H2BC3: variants seen among roughly 807,000 people sequenced by gnomAD.
The protein encoded by H2BC3 is histone H2B type 1-B.
In H2BC3, 8 loss-of-function variants were observed where a neutral mutation model predicts 6.0. That is an observed-to-expected ratio of 1.33 (90% CI 0.78 to 2.40). The LOEUF (loss-of-function observed/expected upper bound fraction) is 2.40, where lower values mean the gene tolerates loss of function less well. H2BC3 is among the 30% of genes most tolerant of loss of function. H2BC3 has a pLI of 0.00. For synonymous variants in H2BC3, 122 were observed against 66.2 expected, an observed-to-expected ratio of 1.84 and a Z score of -4.09; for missense variants, 222 against 163.2, an observed-to-expected ratio of 1.36 and a Z score of -1.96.
At position 26,043,245 on chromosome 6, in the gene H2BC3, G is replaced by A. The variant is rs745923302; in HGVS notation, c.*32C>T. 2.6e-6 allele frequency: 4 copies of A among 1,539,732 alleles called. No individual in the cohort carries two copies. Among genetic ancestry groups the A allele is most frequent in the African/African-American group, 2.8e-5 (2 of 72,172 alleles). ...GACAAAGTAGGTGGCTCTGAAAAGA[G>A]CCTTTGGGTTTGGAAGTGCTTACAT... is the stretch of plus-strand genomic sequence containing the variant. On this transcript the variant is annotated 3_prime_UTR_variant, in exon 1 of 1. Coordinates refer to ENST00000615966, the MANE Select transcript of H2BC3 (RefSeq NM_021062.3).
In H2BC3 at chr6:26,043,565, C is replaced by G. The variant is rs1279423547; in HGVS notation, c.93G>C (p.Lys31Asn). ...TAGAATAGCTCTCCTTGCGGCTGCG[C>G]TTACGCTTCTTACCATCCTTCTTCT... ...KAQKKDGKKR[K>N]RSRKESYSIY... Residue 31 changes from lysine to asparagine, a missense_variant, in exon 1 of 1, where the codon AAG (lysine) becomes AAC (asparagine). Transcript: ENST00000615966. 11 of 1,614,244 alleles carry G rather than the reference C, an allele frequency of 6.8e-6. No homozygotes were observed. The highest frequency in any genetic ancestry group is 9.3e-6 in the Non-Finnish European group (11 of 1,180,050).
In H2BC3 at chr6:26,043,420, G is replaced by A. The variant is rs1052949437; in HGVS notation, c.238C>T (p.Arg80Cys). The change falls in exon 1 of 1, where the codon CGC becomes TGC. Residue 80 changes from arginine to cysteine, a missense_variant. By Grantham distance (180) the Arg-to-Cys change is radical. Coordinates refer to ENST00000615966, the MANE Select transcript of H2BC3 (RefSeq NM_021062.3). ...IFERIAGEAS[R>C]LAHYNKRSTI... ...GAGCGCTTATTGTAGTGAGCCAGGC[G>A]AGAAGCCTCGCCCGCGATGCGCTCG... The A allele has an allele frequency of 5.6e-6, 9 of 1,614,074 alleles. No individual in the cohort carries two copies. Among genetic ancestry groups the A allele is most frequent in the East Asian group, 2.2e-5 (1 of 44,860 alleles).
rs549642579 is a variant in H2BC3, at chr6:26,043,701, TAC to T, written c.-46_-45del. 120 of 1,513,208 alleles carry T rather than the reference TAC, an allele frequency of 7.9e-5. No individual in the cohort carries two copies. In the African/African-American group the frequency reaches 9.5e-4, roughly 12 times the overall value. The allele number at this position is 1,513,208 out of a possible 1,614,324, so 93.7% of individuals were successfully genotyped here. On this transcript the variant is annotated 5_prime_UTR_variant, in exon 1 of 1. Coordinates refer to ENST00000615966, the MANE Select transcript of H2BC3 (RefSeq NM_021062.3). Reference sequence around the variant, plus strand: ...TAGAAAAGCTACTAACACTCTCCACTACAGAGTAGTACAGAGAACAGTTCAGA... The same window carrying T: ...TAGAAAAGCTACTAACACTCTCCACTAGAGTAGTACAGAGAACAGTTCAGA...
Position 26,043,652 on chromosome 6 carries a change from A to G in H2BC3, c.6T>C (p.Pro2=), listed in dbSNP as rs1761675775. 3.8e-6 allele frequency: 6 copies of G among 1,591,670 alleles called. No homozygotes were observed. Among genetic ancestry groups the G allele is most frequent in the Non-Finnish European group, 5.1e-6 (6 of 1,170,436 alleles). The change falls in exon 1 of 1, where the codon CCT becomes CCC. Residue 2 remains proline, a synonymous_variant. Coordinates refer to ENST00000615966, the MANE Select transcript of H2BC3 (RefSeq NM_021062.3). M[P]EPSKSAPAPK... ...GGGCTGGAGCAGACTTAGAGGGTTC[A>G]GGCATTGCTATTCCTAAACAGAATA...
chr6:26,043,433 C>T lies in H2BC3; in HGVS notation c.225G>A (p.Ala75=), dbSNP rs1761664435. The stretch of plus-strand genomic sequence containing the variant: ...AGTGAGCCAGGCGAGAAGCCTCGCC[C>T]GCGATGCGCTCGAAGATGTCGTTGA... ...SFVNDIFERI[A]GEASRLAHYN... Residue 75 remains alanine (A), a synonymous_variant, in exon 1 of 1, where the codon GCG becomes GCA. Coordinates refer to ENST00000615966, the MANE Select transcript of H2BC3 (RefSeq NM_021062.3). 3 of 1,614,174 alleles carry T rather than the reference C, an allele frequency of 1.9e-6. No individual in the cohort carries two copies. The highest frequency in any genetic ancestry group is 4.5e-5 in the East Asian group (2 of 44,844).
rs774770463 is a variant in H2BC3 at position 26,043,498 on chromosome 6, C to A, written c.160G>T (p.Gly54Cys). 5.0e-6 allele frequency: 8 copies of A among 1,614,068 alleles called. No individual in the cohort carries two copies. The highest frequency in any genetic ancestry group is 6.8e-6 in the Non-Finnish European group (8 of 1,180,038). Reference sequence around the variant, plus strand: ...ATCCCCATGGCCTTGGATGAGATGCCGGTGTCGGGGTGGACCTGCTTCAGA... The same window carrying A: ...ATCCCCATGGCCTTGGATGAGATGCAGGTGTCGGGGTGGACCTGCTTCAGA... ...KVLKQVHPDT[G>C]ISSKAMGIMN... Residue 54 changes from glycine to cysteine, a missense_variant, in exon 1 of 1, where the codon GGC (glycine) becomes TGC (cysteine). Transcript: ENST00000615966.
At position 26,043,430 on chromosome 6, in the gene H2BC3, G is replaced by A. The variant is rs372065604; in HGVS notation, c.228C>T (p.Gly76=). The change falls in exon 1 of 1, where the codon GGC becomes GGT. Residue 76 remains glycine, a synonymous_variant. Coordinates refer to ENST00000615966, the MANE Select transcript of H2BC3 (RefSeq NM_021062.3). The part of the protein sequence containing the change: ...FVNDIFERIA[G]EASRLAHYNK... ...TGTAGTGAGCCAGGCGAGAAGCCTCGCCCGCGATGCGCTCGAAGATGTCGT... is the reference window on the plus strand; with the variant it reads ...TGTAGTGAGCCAGGCGAGAAGCCTCACCCGCGATGCGCTCGAAGATGTCGT... The A allele has an allele frequency of 6.6e-5, 107 of 1,614,036 alleles. No individual in the cohort carries two copies. The highest frequency in any genetic ancestry group is 8.4e-5 in the Non-Finnish European group (99 of 1,180,040).
chr6:26,043,335 G>A lies in H2BC3; in HGVS notation c.323C>T (p.Ala108Val), dbSNP rs1283979017. Reference protein sequence around the residue: ...AVRLLLPGELAKHAVSEGTKA... With the variant: ...AVRLLLPGELVKHAVSEGTKA... Reference sequence around the variant, plus strand: ...AGTGCCCTCGGACACAGCATGCTTAGCCAGCTCCCCAGGCAGCAGCAGGCG... The same window carrying A: ...AGTGCCCTCGGACACAGCATGCTTAACCAGCTCCCCAGGCAGCAGCAGGCG... Residue 108 changes from alanine to valine, a missense_variant, in exon 1 of 1, where the codon GCT becomes GTT. Transcript: ENST00000615966. 1 of 1,613,990 alleles carries A rather than the reference G, an allele frequency of 6.2e-7. No homozygotes were observed. The highest frequency in any genetic ancestry group is 1.7e-5 in the Admixed American group (1 of 60,016).
rs559306718 is a variant in H2BC3, at chr6:26,043,310, A to C, written c.348T>G (p.Thr116=). ...ELAKHAVSEG[T]KAVTKYTSSK is the part of the protein sequence containing the mutation. The stretch of plus-strand genomic sequence containing the variant: ...AGCTAGTGTACTTGGTAACTGCCTT[A>C]GTGCCCTCGGACACAGCATGCTTAG... Residue 116 remains threonine, a synonymous_variant, in exon 1 of 1, where the codon ACT becomes ACG. Coordinates refer to ENST00000615966, the MANE Select transcript of H2BC3 (RefSeq NM_021062.3). The C allele has an allele frequency of 1.2e-6, 2 of 1,612,588 alleles. No homozygotes were observed. Among genetic ancestry groups the C allele is most frequent in the South Asian group, 2.2e-5 (2 of 90,982 alleles).
At position 26,043,560 on chromosome 6, in the gene H2BC3, C is replaced by A. The variant is rs748989913; in HGVS notation, c.98G>T (p.Ser33Ile). 2.5e-6 allele frequency: 4 copies of A among 1,614,246 alleles called. No individual in the cohort carries two copies. Among genetic ancestry groups the A allele is most frequent in the Non-Finnish European group, 2.5e-6 (3 of 1,180,038 alleles). Residue 33 changes from serine (S) to isoleucine (I), a missense_variant, in exon 1 of 1, where the codon AGC (serine) becomes ATC (isoleucine). Physicochemically the swap from Ser to Ile is moderately radical, Grantham distance 142. Coordinates refer to ENST00000615966, the MANE Select transcript of H2BC3 (RefSeq NM_021062.3). ...QKKDGKKRKRSRKESYSIYVY... is the reference protein window; with the variant it reads ...QKKDGKKRKRIRKESYSIYVY... ...ATAGATAGAATAGCTCTCCTTGCGG[C>A]TGCGCTTACGCTTCTTACCATCCTT...
Position 26,043,663 on chromosome 6 carries a change from T to C in H2BC3, c.-6A>G, listed in dbSNP as rs186144617. 10 of 1,577,308 alleles carry C rather than the reference T, an allele frequency of 6.3e-6. No individual in the cohort carries two copies. Among genetic ancestry groups the C allele is most frequent in the Non-Finnish European group, 8.6e-6 (10 of 1,164,440 alleles). On this transcript the variant is annotated 5_prime_UTR_variant, in exon 1 of 1. Coordinates refer to ENST00000615966, the MANE Select transcript of H2BC3 (RefSeq NM_021062.3). Reference sequence around the variant, plus strand: ...GACTTAGAGGGTTCAGGCATTGCTATTCCTAAACAGAATAGAAAAGCTACT... The same window carrying C: ...GACTTAGAGGGTTCAGGCATTGCTACTCCTAAACAGAATAGAAAAGCTACT...
In H2BC3 at chr6:26,043,680, A is replaced by G; in HGVS notation, c.-23T>C. ...CATTGCTATTCCTAAACAGAATAGA[A>G]AAGCTACTAACACTCTCCACTACAG... On this transcript the variant is annotated 5_prime_UTR_variant, in exon 1 of 1. Transcript: ENST00000615966. The G allele has an allele frequency of 1.3e-6, 2 of 1,559,362 alleles. No individual in the cohort carries two copies. Among genetic ancestry groups the G allele is most frequent in the Non-Finnish European group, 1.7e-6 (2 of 1,156,776 alleles).
rs1281968074 is a variant in H2BC3, at chr6:26,043,525, C to T, written c.133G>A (p.Val45Ile). 1.2e-6 allele frequency: 2 copies of T among 1,614,072 alleles called. No homozygotes were observed. The highest frequency in any genetic ancestry group is 1.7e-5 in the Admixed American group (1 of 59,998). ...KESYSIYVYK[V>I]LKQVHPDTGI... ...GTGTCGGGGTGGACCTGCTTCAGAA[C>T]CTTGTACACATAGATAGAATAGCTC... The change falls in exon 1 of 1, where the codon GTT (valine) becomes ATT (isoleucine). Residue 45 changes from valine to isoleucine, a missense_variant. By Grantham distance (29) the Val-to-Ile change is conservative. Coordinates refer to ENST00000615966, the MANE Select transcript of H2BC3 (RefSeq NM_021062.3).
rs758962344 is a variant in H2BC3, at chr6:26,043,322, C to T, written c.336G>A (p.Val112=). 3.1e-6 allele frequency: 5 copies of T among 1,613,456 alleles called. No homozygotes were observed. Among genetic ancestry groups the T allele is most frequent in the South Asian group, 1.1e-5 (1 of 91,050 alleles). The change falls in exon 1 of 1, where the codon GTG becomes GTA. Residue 112 remains valine, a synonymous_variant. Coordinates refer to ENST00000615966, the MANE Select transcript of H2BC3 (RefSeq NM_021062.3). ...LLPGELAKHA[V]SEGTKAVTKY... ...TGGTAACTGCCTTAGTGCCCTCGGA[C>T]ACAGCATGCTTAGCCAGCTCCCCAG... is the stretch of plus-strand genomic sequence containing the variant.
Position 26,043,627 on chromosome 6 carries a change from G to A in H2BC3, c.31C>T (p.Pro11Ser). ...ATAGCCTTCTTAGAACCCTTTTTAG[G>A]GGCTGGAGCAGACTTAGAGGGTTCA... MPEPSKSAPA[P>S]KKGSKKAITK... Residue 11 changes from proline (P) to serine (S), a missense_variant, in exon 1 of 1, where the codon CCT becomes TCT. Physicochemically the swap from Pro to Ser is moderately conservative, Grantham distance 74. Transcript: ENST00000615966. The A allele has an allele frequency of 6.2e-7, 1 of 1,610,736 alleles. No individual in the cohort carries two copies. Among genetic ancestry groups the A allele is most frequent in the Non-Finnish European group, 8.5e-7 (1 of 1,178,494 alleles).
In H2BC3 at chr6:26,043,306, C is replaced by A. The variant is rs1472530687; in HGVS notation, c.352G>T (p.Ala118Ser). 1 of 1,612,118 alleles carries A rather than the reference C, an allele frequency of 6.2e-7. No homozygotes were observed. The change falls in exon 1 of 1, where the codon GCA becomes TCA. Residue 118 changes from alanine to serine, a missense_variant. Ala to Ser is a moderately conservative substitution (Grantham distance 99). Coordinates refer to ENST00000615966, the MANE Select transcript of H2BC3 (RefSeq NM_021062.3). Reference protein sequence around the residue: ...AKHAVSEGTKAVTKYTSSK With the variant: ...AKHAVSEGTKSVTKYTSSK ...TTAGAGCTAGTGTACTTGGTAACTG[C>A]CTTAGTGCCCTCGGACACAGCATGC...
rs368153259 is a variant in H2BC3, at chr6:26,043,695, C to T, written c.-38G>A. 19 of 1,543,518 alleles carry T rather than the reference C, an allele frequency of 1.2e-5. No homozygotes were observed. Among genetic ancestry groups the T allele is most frequent in the African/African-American group, 5.5e-5 (4 of 72,346 alleles). On this transcript the variant is annotated 5_prime_UTR_variant, in exon 1 of 1. Transcript: ENST00000615966. ...ACAGAATAGAAAAGCTACTAACACT[C>T]TCCACTACAGAGTAGTACAGAGAAC... is the stretch of plus-strand genomic sequence containing the variant.
In H2BC3 at chr6:26,043,697, C is replaced by A. The variant is rs756896467; in HGVS notation, c.-40G>T. On this transcript the variant is annotated 5_prime_UTR_variant, in exon 1 of 1. Transcript: ENST00000615966. ...AGAATAGAAAAGCTACTAACACTCT[C>A]CACTACAGAGTAGTACAGAGAACAG... 1.3e-6 allele frequency: 2 copies of A among 1,539,536 alleles called. No individual in the cohort carries two copies. The highest frequency in any genetic ancestry group is 1.3e-5 in the South Asian group (1 of 78,706).
chr6:26,043,633 G>C lies in H2BC3; in HGVS notation c.25C>G (p.Pro9Ala). Residue 9 changes from proline to alanine, a missense_variant, in exon 1 of 1, where the codon CCA becomes GCA. Physicochemically the swap from Pro to Ala is conservative, Grantham distance 27 (BLOSUM62 -1). Transcript: ENST00000615966. MPEPSKSAPAPKKGSKKAI... is the reference protein window; with the variant it reads MPEPSKSAAAPKKGSKKAI... ...TTCTTAGAACCCTTTTTAGGGGCTG[G>C]AGCAGACTTAGAGGGTTCAGGCATT... 1.2e-6 allele frequency: 2 copies of C among 1,609,804 alleles called. No individual in the cohort carries two copies. Among genetic ancestry groups the C allele is most frequent in the Non-Finnish European group, 1.7e-6 (2 of 1,177,900 alleles).
Sources: allele counts gnomAD v4.1 joint callset, GRCh38; gene constraint gnomAD v4.1.1; transcripts MANE v1.5; gene names NCBI Gene and HGNC (gene_info 2026-07-23, HGNC 2026-07-21).